TEX11: variants seen among roughly 807,000 people sequenced by gnomAD.
TEX11 encodes the protein testis-expressed protein 11.
A neutral mutation model predicts 84.4 loss-of-function variants in TEX11; 7 were observed. That is an observed-to-expected ratio of 0.08 (90% CI 0.05 to 0.16). TEX11 has a LOEUF of 0.16. Ranked by LOEUF, TEX11 falls within the 10% of genes least tolerant of loss-of-function variation. The pLI is 1.00. For synonymous variants in TEX11, 264 were observed against 222.8 expected (o/e 1.18, Z -1.64); for missense variants, 551 against 660.5 (o/e 0.83, Z 1.82).
intron 9 of TEX11, 25 bp from the exon 10 acceptor site, chrX:70,744,244 AT>A: frequency 2.5e-5 from 10 of 406,354 alleles, no homozygotes; most frequent in Middle Eastern, 9.2e-4. Context: ...GAAAAAAAAT[AT>A]ATATATATAT....
chrX:70,726,790 C>T (rs970605287), intron 11 of TEX11, among the ~76,000 whole-genome samples: 4 of 109,318 alleles, frequency 3.7e-5, no homozygotes, highest in South Asian at 8.0e-4. Flanking sequence ...CTCAGCCTCC[C>T]AAAGTGCAGG....
chrX:70,559,446 T>C (rs761989459), intron 25 of TEX11, among the ~76,000 whole-genome samples: 4 of 112,360 alleles, frequency 3.6e-5, no homozygotes, highest in Non-Finnish European at 7.5e-5. Flanking sequence ...TACGTTGCTT[T>C]CCTTTTGAGG....
chrX:70,728,228 C>T (rs1268882050), intron 11 of TEX11, among the ~76,000 whole-genome samples: 1 of 112,436 alleles, frequency 8.9e-6, no homozygotes, highest in African/African-American at 3.2e-5. Context: ...CTACAGCTCC[C>T]AGTGTGAGCA....
intron 25 of TEX11, among the ~76,000 whole-genome samples, chrX:70,582,879 G>A (rs1603101293): frequency 9.2e-6 from 1 of 108,670 alleles, no homozygotes; most frequent in African/African-American, 3.3e-5. Flanking sequence ...CCGAGTAGCT[G>A]GGATTACAGG....
At chrX:70,659,435 A>G (rs904673715) in intron 16 of TEX11, among the ~76,000 whole-genome samples, 1 of 112,485 alleles carries the variant, frequency 8.9e-6, no homozygotes, top group African/African-American at 3.2e-5. Context: ...ACAAATGGCC[A>G]ATAAGCACAT....
At chrX:70,603,774 C>A (rs1015599424) in intron 24 of TEX11, among the ~76,000 whole-genome samples, 4 of 110,362 alleles carry the variant, frequency 3.6e-5, no homozygotes, top group South Asian at 3.9e-4. Context: ...CAACCTACAA[C>A]ATGGGAGAAA....
intron 9 of TEX11, among the ~76,000 whole-genome samples, chrX:70,771,554 A>C: frequency 9.0e-6 from 1 of 111,502 alleles, no homozygotes; most frequent in African/African-American, 3.2e-5. Context: ...CTTAAAAAAA[A>C]CTCCTTAAAT....
chrX:70,644,862 T>G (rs2089720124), intron 17 of TEX11, among the ~76,000 whole-genome samples: 1 of 103,690 alleles, frequency 9.6e-6, no homozygotes, highest in African/African-American at 3.5e-5. Flanking sequence ...GCATGGCACA[T>G]GTATACATAT....
At chrX:70,839,120 C>G (rs1356691600) in intron 7 of TEX11, among the ~76,000 whole-genome samples, 1 of 112,383 alleles carries the variant, frequency 8.9e-6, no homozygotes, top group African/African-American at 3.2e-5. Flanking sequence ...AAATGTCCCT[C>G]TCTGACAGCT....
chrX:70,594,637 G>A (rs183310223), intron 24 of TEX11, among the ~76,000 whole-genome samples: 3 of 111,175 alleles, frequency 2.7e-5, no homozygotes, highest in African/African-American at 9.8e-5. Flanking sequence ...TGGTTTGGCT[G>A]TGTCCCCACA....
intron 9 of TEX11, among the ~76,000 whole-genome samples, chrX:70,762,575 G>A (rs2090915606): frequency 9.0e-6 from 1 of 110,560 alleles, no homozygotes; most frequent in South Asian, 3.9e-4. Context: ...AAGGGATCTA[G>A]GCTGCACACT....
At position 70,652,013 on chromosome X, in the gene TEX11, A is replaced by G. The variant is rs761980113; in HGVS notation, c.1381-461T>C. 4.5e-5 allele frequency among the ~76,000 whole-genome samples: 5 copies of G among 111,330 alleles called. No homozygotes were observed. The South Asian group carries it at 1.9e-3, about 43-fold the overall frequency. On this transcript the variant is annotated intron_variant, in intron 16 of 29. Transcript: ENST00000374333. The stretch of plus-strand genomic sequence containing the variant: ...TCAGGGGAAAAGACATCAAGTTCCA[A>G]GGGATCACACTCCTAGACTAGGGAC...
chrX:70,880,281 TA>T (rs1160935361), intron 2 of TEX11, among the ~76,000 whole-genome samples, 172 bp from the exon 3 acceptor site: 2 of 112,653 alleles, frequency 1.8e-5, no homozygotes, highest in African/African-American at 6.4e-5. Flanking sequence ...AGCTAGAGTA[TA>T]ATTTTCAAAT....
At chrX:70,690,430 C>T (rs1006388572) in intron 13 of TEX11, among the ~76,000 whole-genome samples, 7 of 111,940 alleles carry the variant, frequency 6.3e-5, no homozygotes, top group Admixed American at 4.8e-4. Flanking sequence ...TAATGGTTCA[C>T]GCCTGTAATT....
intron 7 of TEX11, among the ~76,000 whole-genome samples, chrX:70,838,211 G>T (rs1020284697): frequency 9.0e-6 from 1 of 111,638 alleles, no homozygotes; most frequent in Admixed American, 9.6e-5. Context: ...CTGAGGTCAG[G>T]AGTTCAAGAC....
In TEX11 at chrX:70,567,617, T is replaced by C. The variant is rs748822988; in HGVS notation, c.2141-12817A>G. On this transcript the variant is annotated intron_variant, in intron 25 of 29. Coordinates refer to ENST00000374333, the MANE Select transcript of TEX11 (RefSeq NM_031276.3). ...CTGGTATGTTGTGTCTTTGTTCTCG[T>C]TGGTTTCAAAGAACATCTTTATTTC... Among the ~76,000 whole-genome samples the C allele has an allele frequency of 2.7e-5, 3 of 111,601 alleles. No homozygotes were observed. In the South Asian group the frequency reaches 1.2e-3, roughly 43 times the overall value.
At chrX:70,565,957 T>C (rs1437419059) in intron 25 of TEX11, among the ~76,000 whole-genome samples, 2 of 110,000 alleles carry the variant, frequency 1.8e-5, no homozygotes, top group African/African-American at 3.3e-5. Flanking sequence ...ATTGGTAGCT[T>C]GATGGGGATG....
At chrX:70,626,038 G>C (rs758407307) in intron 18 of TEX11, among the ~76,000 whole-genome samples, 1 of 111,204 alleles carries the variant, frequency 9.0e-6, no homozygotes, top group African/African-American at 3.3e-5. Context: ...GTGAGCCACT[G>C]CGCGCGGCAT....
intron 28 of TEX11, among the ~76,000 whole-genome samples, chrX:70,538,116 TAAG>T (rs779085291): frequency 4.5e-5 from 5 of 111,624 alleles, no homozygotes; most frequent in South Asian, 3.8e-4. Flanking sequence ...TGCTTTGTTC[TAAG>T]AAGAAGGGAG....
Sources: gnomAD v4.1 joint callset for allele counts (sites outside exome capture counted in the v4.1 genomes callset) on GRCh38, gnomAD v4.1.1 for gene constraint, MANE v1.5 for transcripts, NCBI Gene and HGNC (gene_info 2026-07-23, HGNC 2026-07-21) for gene names.